Variants in RBFOX3 observed in about 807,000 individuals in gnomAD.
RBFOX3 encodes the protein RNA binding protein fox-1 homolog 3.
RBFOX3 carries 17 observed loss-of-function variants against 48.7 expected under a neutral mutation model. The ratio of observed to expected loss-of-function variants is 0.35; its 90% CI spans 0.24 to 0.52. The LOEUF (loss-of-function observed/expected upper bound fraction) is 0.52. RBFOX3 is among the 20% of genes least tolerant of loss of function. The pLI is 0.94. For missense variants in RBFOX3, 382 were observed against 497.5 expected, an observed-to-expected ratio of 0.77 and a Z score of 2.21; for synonymous variants, 212 against 209.5, an observed-to-expected ratio of 1.01 and a Z score of -0.10.
In RBFOX3 at chr17:79,408,227, G is replaced by T. The variant is rs560319438; in HGVS notation, c.-175+74227C>A. Among the ~76,000 whole-genome samples the T allele has an allele frequency of 1.6e-4, 24 of 152,306 alleles. 1 individual carries two copies. The South Asian group carries it at 3.3e-3, about 21-fold the overall frequency. On this transcript the variant is annotated intron_variant, in intron 2 of 14. Coordinates refer to ENST00000693108, the MANE Select transcript of RBFOX3 (RefSeq NM_001350451.2). The stretch of plus-strand genomic sequence containing the variant: ...AGACACACACTCGATGGCTGGGTCT[G>T]CAGGGGCTCTTACTAAATGATCTCT...
chr17:79,098,610 C>T (rs1319577174), intron 9 of RBFOX3: 1 of 152,272 alleles, frequency 6.6e-6, no homozygotes, highest in Non-Finnish European at 1.5e-5. Flanking sequence ...TCTTCCTCTC[C>T]CCGGGGGAAC....
At chr17:79,539,161 G>A (rs985415407) in intron 1 of RBFOX3, among the ~76,000 whole-genome samples, 1 of 152,252 alleles carries the variant, frequency 6.6e-6, no homozygotes, top group Non-Finnish European at 1.5e-5. Flanking sequence ...AGACCAGCCT[G>A]GGCAACATAG....
At chr17:79,646,001 C>T in the RBFOX3 span, among the ~76,000 whole-genome samples, 1 of 152,222 alleles carries the variant, frequency 6.6e-6, no homozygotes, top group Non-Finnish European at 1.5e-5. Context: ...TCTCTCCCCA[C>T]TCTCTCCCTT....
intron 2 of RBFOX3, among the ~76,000 whole-genome samples, chr17:79,383,031 A>AACACACACACACAC (rs60851419): frequency 0.02 from 2,769 of 141,328 alleles, 74 homozygotes; most frequent in African/African-American, 0.043. Flanking sequence ...CTGCCTCTCA[A>AACACACACACACAC]ACACACACAC....
intron 1 of RBFOX3, among the ~76,000 whole-genome samples, chr17:79,581,108 C>T (rs1042338404): frequency 1.3e-5 from 2 of 152,176 alleles, no homozygotes; most frequent in African/African-American, 4.8e-5. Context: ...ATTAGCCGGG[C>T]ATGGTGGCGG....
intron 2 of RBFOX3, among the ~76,000 whole-genome samples, chr17:79,349,685 C>G (rs970938230): frequency 1.2e-4 from 19 of 152,128 alleles, no homozygotes; most frequent in Non-Finnish European, 7.4e-5. Context: ...TTCCTTTCCC[C>G]CTGTATCCCC....
chr17:79,404,187 G>T (rs1319887311), intron 2 of RBFOX3, among the ~76,000 whole-genome samples: 1 of 152,234 alleles, frequency 6.6e-6, no homozygotes, highest in Non-Finnish European at 1.5e-5. Context: ...GGGAGCCTGA[G>T]GGGGAGAGAA....
intron 4 of RBFOX3, among the ~76,000 whole-genome samples, chr17:79,188,549 G>A (rs2053872754): frequency 6.6e-6 from 1 of 152,224 alleles, no homozygotes; most frequent in Non-Finnish European, 1.5e-5. Flanking sequence ...GGCAGAGCCA[G>A]GAGTTGCACA....
chr17:79,381,817 C>T (rs1486546699), intron 2 of RBFOX3, among the ~76,000 whole-genome samples: 1 of 152,184 alleles, frequency 6.6e-6, no homozygotes, highest in Non-Finnish European at 1.5e-5. Flanking sequence ...TGTTGCAGCT[C>T]CCTCCCTGGA....
chr17:79,632,380 C>T, the RBFOX3 span, among the ~76,000 whole-genome samples: 1 of 152,070 alleles, frequency 6.6e-6, no homozygotes, highest in South Asian at 2.1e-4. Flanking sequence ...AAGTCCTCTT[C>T]GGGATCCTGG....
intron 2 of RBFOX3, among the ~76,000 whole-genome samples, chr17:79,388,905 C>CTTA: frequency 6.6e-6 from 1 of 152,368 alleles, no homozygotes; most frequent in Non-Finnish European, 1.5e-5. Flanking sequence ...CGGCAGGGAA[C>CTTA]AGATTCCCTT....
intron 4 of RBFOX3, among the ~76,000 whole-genome samples, chr17:79,126,260 A>T (rs1362667933): frequency 1.1e-4 from 16 of 152,178 alleles, no homozygotes; most frequent in Non-Finnish European, 1.9e-4. Flanking sequence ...TGTGATGGGG[A>T]CCAGAACAGG....
At chr17:79,440,619 A>C (rs2070690557) in intron 2 of RBFOX3, among the ~76,000 whole-genome samples, 1 of 152,176 alleles carries the variant, frequency 6.6e-6, no homozygotes. Context: ...CATGGAATCC[A>C]CAACTAAATC....
intron 3 of RBFOX3, among the ~76,000 whole-genome samples, chr17:79,263,218 A>C (rs2066097386): frequency 6.6e-6 from 1 of 152,136 alleles, no homozygotes; most frequent in Non-Finnish European, 1.5e-5. Flanking sequence ...CTCTGGAAAC[A>C]CTCAGGCTAG....
At chr17:79,652,176 A>G in the RBFOX3 span, among the ~76,000 whole-genome samples, 65 of 152,304 alleles carry the variant, frequency 4.3e-4, no homozygotes, top group African/African-American at 1.5e-3. Flanking sequence ...ATAGTAATAG[A>G]TAACTAGTAC....
chr17:79,508,444 C>A (rs935021559), intron 1 of RBFOX3, among the ~76,000 whole-genome samples: 1 of 152,196 alleles, frequency 6.6e-6, no homozygotes, highest in African/African-American at 2.4e-5. Flanking sequence ...CCTCCCTGAC[C>A]GCCCGAGGCC....
At chr17:79,407,949 C>T (rs1486272863) in intron 2 of RBFOX3, among the ~76,000 whole-genome samples, 1 of 152,180 alleles carries the variant, frequency 6.6e-6, no homozygotes, top group Non-Finnish European at 1.5e-5. Flanking sequence ...GATGAAACGC[C>T]GGCTTCTCCT....
chr17:79,591,845 G>C (rs12949916), intron 1 of RBFOX3, among the ~76,000 whole-genome samples: 3 of 151,108 alleles, frequency 2.0e-5, no homozygotes, highest in Admixed American at 6.6e-5. Context: ...TGTGTGGAGG[G>C]GTGTGCACGT....
intron 1 of RBFOX3, among the ~76,000 whole-genome samples, chr17:79,539,106 C>T (rs2089297196): frequency 6.6e-6 from 1 of 152,146 alleles, no homozygotes; most frequent in African/African-American, 2.4e-5. Flanking sequence ...AACCCCAGCA[C>T]TTTGGGAGGC....
Sources: gnomAD v4.1 joint callset for allele counts (sites outside exome capture counted in the v4.1 genomes callset) on GRCh38, gnomAD v4.1.1 for gene constraint, MANE v1.5 for transcripts, NCBI Gene and HGNC (gene_info 2026-07-23, HGNC 2026-07-21) for gene names.